Variants in DKK4 observed in about 807,000 individuals in gnomAD.
DKK4 encodes dickkopf-related protein 4.
A neutral mutation model predicts 14.5 loss-of-function variants in DKK4; 15 were observed. The observed-to-expected ratio is 1.03, with a 90% confidence interval of 0.69 to 1.59. DKK4 has a LOEUF of 1.59. Among genes scored for constraint, DKK4 ranks in the 40% most tolerant of loss-of-function variants. DKK4 has a pLI of 0.00. For missense variants in DKK4, 272 were observed against 280.3 expected (o/e 0.97, Z 0.21); for synonymous variants, 89 against 105.2 (o/e 0.85, Z 0.94).
rs918629146 is a variant in DKK4, at chr8:42,376,496, C to T, written c.111+439G>A. ...GTTAGATGGTGACAAGGCAATGCAT[C>T]ATGGCCCTCTGTTTAAATTCTCATT... On this transcript the variant is annotated intron_variant, in intron 1 of 3. Transcript: ENST00000220812. Among the ~76,000 whole-genome samples, 3 of 152,216 alleles carry T rather than the reference C, an allele frequency of 2.0e-5. No individual in the cohort carries two copies. The South Asian group carries it at 6.2e-4, about 31-fold the overall frequency.
chr8:42,374,457 C>T (rs764049495), intron 3 of DKK4, 98 bp from the exon 4 acceptor site: 2 of 1,496,670 alleles, frequency 1.3e-6, no homozygotes, highest in Non-Finnish European at 9.1e-7. Context: ...TGACTGACAG[C>T]CACAAAGTAA....
upstream of DKK4, among the ~76,000 whole-genome samples, chr8:42,377,459 G>T (rs144735971): frequency 2.0e-5 from 3 of 152,282 alleles, no homozygotes; most frequent in Admixed American, 2.0e-4. Flanking sequence ...AAGGGCCACG[G>T]CAGAGCAGGA....
At chr8:42,375,575 A>T in intron 2 of DKK4, 105 bp downstream of exon 2, 1 of 1,393,644 alleles carries the variant, frequency 7.2e-7, no homozygotes, top group Non-Finnish European at 9.7e-7. Flanking sequence ...TCAAGCATGA[A>T]TCTAGGAAGC....
At chr8:42,375,045 G>A in intron 2 of DKK4, 132 bp from the exon 3 acceptor site, 1 of 872,644 alleles carries the variant, frequency 1.1e-6, no homozygotes, top group Non-Finnish European at 1.7e-6. Context: ...CTAGATTTCT[G>A]GAACATGTGC....
chr8:42,378,842 C>G (rs1563415486), upstream of DKK4, among the ~76,000 whole-genome samples: 2 of 150,020 alleles, frequency 1.3e-5, no homozygotes, highest in Non-Finnish European at 2.9e-5. Context: ...CACAGTGGCT[C>G]ACACCTGTAA....
At chr8:42,375,599 G>C in intron 2 of DKK4, 81 bp downstream of exon 2, 1 of 1,544,384 alleles carries the variant, frequency 6.5e-7, no homozygotes, top group Non-Finnish European at 8.8e-7. Flanking sequence ...ATTAGAGAGT[G>C]CCTACCCTGG....
At chr8:42,378,682 C>T (rs1006193473), upstream of DKK4, among the ~76,000 whole-genome samples, 1 of 151,984 alleles carries the variant, frequency 6.6e-6, no homozygotes, top group Non-Finnish European at 1.5e-5. Context: ...TTCAGGTTAC[C>T]AAAGGCCCCT....
At chr8:42,383,259 G>T in the DKK4 span, among the ~76,000 whole-genome samples, 1 of 152,222 alleles carries the variant, frequency 6.6e-6, no homozygotes. Context: ...GTGAAGGGCA[G>T]CACCCAGGGA....
the DKK4 span, among the ~76,000 whole-genome samples, chr8:42,385,773 T>C: frequency 6.6e-6 from 1 of 152,216 alleles, no homozygotes; most frequent in Non-Finnish European, 1.5e-5. Context: ...CCCCAACTTA[T>C]GCAAGTGAGC....
chr8:42,383,147 C>T, the DKK4 span, among the ~76,000 whole-genome samples: 9 of 152,136 alleles, frequency 5.9e-5, no homozygotes, highest in South Asian at 2.1e-4. Context: ...GTTGATGGGG[C>T]GGGCAGACAA....
At chr8:42,379,396 G>T (rs1353359788), upstream of DKK4, among the ~76,000 whole-genome samples, 748 of 101,384 alleles carry the variant, frequency 7.4e-3, 6 homozygotes, top group Middle Eastern at 0.015. Flanking sequence ...GAGAGAGAGA[G>T]AGAGAGAGAG....
At chr8:42,375,570 C>T in intron 2 of DKK4, 110 bp downstream of exon 2, 1 of 1,328,698 alleles carries the variant, frequency 7.5e-7, no homozygotes. Context: ...TTACTTCAAG[C>T]ATGAATCTAG....
chr8:42,376,817 C>T, intron 1 of DKK4, 118 bp downstream of exon 1: 2 of 824,736 alleles, frequency 2.4e-6, no homozygotes, highest in Admixed American at 4.8e-5. Context: ...GAAACCAATT[C>T]AATTTACCTG....
At chr8:42,387,300 C>T in the DKK4 span, among the ~76,000 whole-genome samples, 5 of 142,752 alleles carry the variant, frequency 3.5e-5, no homozygotes, top group Admixed American at 7.2e-5. Flanking sequence ...AATGTGAGAA[C>T]GAGTGCATTA....
chr8:42,384,147 A>C, the DKK4 span, among the ~76,000 whole-genome samples: 1 of 152,102 alleles, frequency 6.6e-6, no homozygotes. Context: ...ATGCAGACCA[A>C]ACTGGGTCTC....
the DKK4 span, among the ~76,000 whole-genome samples, chr8:42,388,312 C>T: frequency 6.6e-6 from 1 of 152,066 alleles, no homozygotes; most frequent in Admixed American, 6.6e-5. Flanking sequence ...TCACTGCAAC[C>T]TCTACCTCCC....
At chr8:42,377,232 C>G, upstream of DKK4, 1 of 567,242 alleles carries the variant, frequency 1.8e-6, no homozygotes, top group South Asian at 2.3e-5. Flanking sequence ...CAAAGTCTGA[C>G]CAGCAGGTTC....
upstream of DKK4, among the ~76,000 whole-genome samples, chr8:42,379,368 TATATATATATAGAGAGAGAGAGAGAGAG>T (rs1465805315): frequency 4.0e-5 from 2 of 49,502 alleles, no homozygotes; most frequent in African/African-American, 8.3e-5. Flanking sequence ...TATATATATA[TATATATATATAGAGAGAGAGAGAGAGAG>T]AGAGAGAGAG....
chr8:42,384,317 A>AT, the DKK4 span, among the ~76,000 whole-genome samples: 1 of 151,910 alleles, frequency 6.6e-6, no homozygotes, highest in African/African-American at 2.4e-5. Flanking sequence ...TAATTTTTGT[A>AT]TTTTTTGTGG....
Sources: gnomAD v4.1 joint callset for allele counts (sites outside exome capture counted in the v4.1 genomes callset) on GRCh38, gnomAD v4.1.1 for gene constraint, MANE v1.5 for transcripts, NCBI Gene and HGNC (gene_info 2026-07-23, HGNC 2026-07-21) for gene names.